DCDC2C: variants seen among roughly 807,000 people sequenced by gnomAD.
The protein encoded by DCDC2C is doublecortin domain-containing protein 2C.
In DCDC2C, 44 loss-of-function variants were observed where a neutral mutation model predicts 45.0. The observed-to-expected ratio is 0.98, with a 90% CI of 0.77 to 1.26. DCDC2C has a LOEUF of 1.26. Ranked by LOEUF, DCDC2C falls within the 50% of genes most tolerant of loss-of-function variation. DCDC2C has a pLI of 0.00. For missense variants in DCDC2C, 447 were observed against 468.9 expected, an observed-to-expected ratio of 0.95 and a Z score of 0.43; for synonymous variants, 187 against 178.8, an observed-to-expected ratio of 1.05 and a Z score of -0.37.
chr2:3,723,401 G>A (rs1668548693), intron 2 of DCDC2C, among the ~76,000 whole-genome samples: 1 of 152,200 alleles, frequency 6.6e-6, no homozygotes, highest in African/African-American at 2.4e-5. Context: ...AAAGTAAGAG[G>A]GGCAAACCAG....
At chr2:3,756,365 T>A (rs1669716299) in intron 6 of DCDC2C, among the ~76,000 whole-genome samples, 1 of 152,184 alleles carries the variant, frequency 6.6e-6, no homozygotes, top group Non-Finnish European at 1.5e-5. Flanking sequence ...TCAAGTCCCC[T>A]CCCTACTGTG....
chr2:3,718,025 C>G (rs1668392262), intron 2 of DCDC2C, among the ~76,000 whole-genome samples: 1 of 152,228 alleles, frequency 6.6e-6, no homozygotes, highest in African/African-American at 2.4e-5. Flanking sequence ...CCCCTGGCAC[C>G]TGGCACTGTA....
chr2:3,778,948 C>A, intron 9 of DCDC2C, 64 bp downstream of exon 9: 2 of 1,455,516 alleles, frequency 1.4e-6, no homozygotes, highest in Non-Finnish European at 9.4e-7. Context: ...TTGAACAGAG[C>A]TCACGTTTGG....
At chr2:3,771,648 T>G (rs1030201786) in intron 8 of DCDC2C, among the ~76,000 whole-genome samples, 11 of 152,212 alleles carry the variant, frequency 7.2e-5, no homozygotes, top group African/African-American at 2.4e-4. Context: ...CCTCCTTCTT[T>G]CCTATGGAGC....
rs1039219324 is a variant in DCDC2C, at chr2:3,708,575, C to T, written c.314C>T (p.Pro105Leu). The T allele has an allele frequency of 3.9e-6, 6 of 1,548,304 alleles. No individual in the cohort carries two copies. The African/African-American group carries it at 8.2e-5, about 21-fold the overall frequency. ...LDYIHIVPRK[P>L]AKIRKLKEIK... is the part of the protein sequence containing the mutation. ...TATATTCATATAGTTCCCCGAAAAC[C>T]TGCAAAGATAAGGAAGTTGAAGGAA... The change falls in exon 2 of 11, where the codon CCT becomes CTT. Residue 105 changes from proline (P) to leucine (L), a missense_variant. Physicochemically the swap from Pro to Leu is moderately conservative, Grantham distance 98. Transcript: ENST00000399143.
intron 8 of DCDC2C, among the ~76,000 whole-genome samples, chr2:3,778,219 C>T (rs1032333279): frequency 4.6e-5 from 7 of 152,262 alleles, no homozygotes; most frequent in South Asian, 4.1e-4. Flanking sequence ...ATGTGCAGCA[C>T]GCATACTTGG....
At chr2:3,725,662 T>TGCCAGGTGGATCCCAGAGGAAGAC (rs1558564856) in intron 2 of DCDC2C, among the ~76,000 whole-genome samples, 1 of 118,424 alleles carries the variant, frequency 8.4e-6, no homozygotes, top group African/African-American at 3.5e-5. Context: ...CGGAGGGAGA[T>TGCCAGGTGGATCCCAGAGGAAGAC]GAGCAGAGAG....
At chr2:3,756,200 G>T (rs1669710644) in intron 6 of DCDC2C, among the ~76,000 whole-genome samples, 1 of 152,064 alleles carries the variant, frequency 6.6e-6, no homozygotes, top group Non-Finnish European at 1.5e-5. Context: ...GTCCTAGAGG[G>T]GCTTACCAGT....
chr2:3,767,509 C>A (rs777692968), intron 6 of DCDC2C, among the ~76,000 whole-genome samples: 2 of 152,230 alleles, frequency 1.3e-5, no homozygotes, highest in Non-Finnish European at 1.5e-5. Flanking sequence ...AGTGAACTAA[C>A]CTTCTCTGCC....
At chr2:3,718,774 C>T (rs1300601513) in intron 2 of DCDC2C, among the ~76,000 whole-genome samples, 1 of 152,178 alleles carries the variant, frequency 6.6e-6, no homozygotes, top group Admixed American at 6.5e-5. Flanking sequence ...GTCTCGCTGA[C>T]TTCAAAAATG....
intron 9 of DCDC2C, among the ~76,000 whole-genome samples, 162 bp downstream of exon 9, chr2:3,779,046 A>C (rs946784856): frequency 6.6e-6 from 1 of 152,202 alleles, no homozygotes; most frequent in African/African-American, 2.4e-5. Context: ...GCAGCCGTGG[A>C]CACGATCGGG....
chr2:3,786,129 C>T (rs887396510), intron 10 of DCDC2C, among the ~76,000 whole-genome samples: 1 of 152,246 alleles, frequency 6.6e-6, no homozygotes, highest in African/African-American at 2.4e-5. Flanking sequence ...CACGTGTGAG[C>T]TGCGTCTTGC....
intron 10 of DCDC2C, among the ~76,000 whole-genome samples, chr2:3,806,001 TTTG>T (rs954578186): frequency 6.6e-6 from 1 of 152,074 alleles, no homozygotes; most frequent in African/African-American, 2.4e-5. Flanking sequence ...TGGCGAATTT[TTTG>T]TTGTTTTGTT....
intron 3 of DCDC2C, among the ~76,000 whole-genome samples, chr2:3,732,476 A>G (rs1668901477): frequency 1.3e-5 from 2 of 152,130 alleles, no homozygotes; most frequent in South Asian, 2.1e-4. Flanking sequence ...AAGGTTGAAC[A>G]CCTTGTAATT....
chr2:3,842,558 G>A (rs1277018970), intron 10 of DCDC2C, among the ~76,000 whole-genome samples: 4 of 148,322 alleles, frequency 2.7e-5, no homozygotes, highest in Non-Finnish European at 4.4e-5. Context: ...GGAAGGAATA[G>A]TATGTGAGGA....
At position 3,847,533 on chromosome 2, in the gene DCDC2C, C is replaced by T. The variant is rs1252973185; in HGVS notation, c.*350C>T. On this transcript the variant is annotated 3_prime_UTR_variant, in exon 11 of 11. Transcript: ENST00000399143. ...CTGGAATGTGTACGGGAAGGTATCT[C>T]ATTTATATGTAACTTGGAGGTTGTC... 2 of 175,856 alleles carry T rather than the reference C, an allele frequency of 1.1e-5. No homozygotes were observed. The highest frequency in any genetic ancestry group is 4.7e-5 in the African/African-American group (2 of 42,528). The allele number at this position is 175,856 out of a possible 1,614,324, so 10.9% of individuals were successfully genotyped here.
At chr2:3,796,836 TG>T (rs777311792) in intron 10 of DCDC2C, among the ~76,000 whole-genome samples, 2,571 of 151,808 alleles carry the variant, frequency 0.017, 35 homozygotes, top group Non-Finnish European at 0.025. Context: ...TTCTCTTTTT[TG>T]GTTGTGTCTC....
chr2:3,713,014 T>C (rs1668256272), intron 2 of DCDC2C, among the ~76,000 whole-genome samples: 2 of 151,382 alleles, frequency 1.3e-5, no homozygotes, highest in African/African-American at 2.4e-5. Flanking sequence ...ATTTAAAAGA[T>C]GAATAAAGAG....
At chr2:3,720,450 C>T (rs902985552) in intron 2 of DCDC2C, among the ~76,000 whole-genome samples, 2 of 152,118 alleles carry the variant, frequency 1.3e-5, no homozygotes, top group African/African-American at 4.8e-5. Context: ...ACAGTAGCTC[C>T]AGTTGTATTA....
Sources: allele counts gnomAD v4.1 joint callset (sites outside exome capture counted in the v4.1 genomes callset), GRCh38; gene constraint gnomAD v4.1.1; transcripts MANE v1.5; gene names NCBI Gene and HGNC (gene_info 2026-07-23, HGNC 2026-07-21).